MGST1: variants seen among roughly 807,000 people sequenced by gnomAD.
The protein encoded by MGST1 is microsomal glutathione S-transferase 1.
A neutral mutation model predicts 8.9 loss-of-function variants in MGST1; 5 were observed. The observed-to-expected ratio is 0.56, with a 90% CI of 0.29 to 1.19. The LOEUF is 1.19. MGST1 is among the 50% of genes most tolerant of loss of function. MGST1 has a pLI of 0.08. For synonymous variants in MGST1, 54 were observed against 67.8 expected (o/e 0.80, Z 1.00); for missense variants, 182 against 187.4 (o/e 0.97, Z 0.17).
rs755359866 is a variant in MGST1 at position 16,560,535 on chromosome 12, G to A, written n.483-28993G>A. On this transcript the variant is annotated intron_variant and non_coding_transcript_variant, in intron 4 of 4. Coordinates refer to the MGST1 transcript ENST00000538857. This position sits in a 1 kb window ranked among gnomAD's most constrained non-coding sequence, Gnocchi z 5.0. ...CAGCGCAGTTTCCCGTTACACCAAA[G>A]AGCCTAGAATAAGAAACATTTTTTT... 6.2e-7 allele frequency: 1 copy of A among 1,605,330 alleles called. No homozygotes were observed. The highest frequency in any genetic ancestry group is 8.5e-7 in the Non-Finnish European group (1 of 1,177,674).
intron 4 of MGST1, chr12:16,550,438 T>TAAAG (rs1464481899): frequency 6.6e-6 from 1 of 152,434 alleles, no homozygotes; most frequent in Non-Finnish European, 1.5e-5. Flanking sequence ...ATTGTGTAAG[T>TAAAG]AAAGAGCACA....
chr12:16,473,328 A>G (rs1941300002), intron 4 of MGST1, among the ~76,000 whole-genome samples: 1 of 152,210 alleles, frequency 6.6e-6, no homozygotes, highest in Admixed American at 6.5e-5. Flanking sequence ...CAATGCACCA[A>G]TGAAGAATTG....
chr12:16,454,535 TTAAA>T (rs2137116671), intron 4 of MGST1, among the ~76,000 whole-genome samples: 1 of 151,968 alleles, frequency 6.6e-6, no homozygotes, highest in African/African-American at 2.4e-5. Context: ...GAGAAAGATG[TTAAA>T]TAAATCTACC....
intron 4 of MGST1, among the ~76,000 whole-genome samples, chr12:16,588,732 T>G (rs143265863): frequency 1.4e-4 from 22 of 152,264 alleles, no homozygotes; most frequent in African/African-American, 5.1e-4. Context: ...TCCACCCATC[T>G]CCTTTGCACA....
chr12:16,487,862 C>T (rs537000849), intron 4 of MGST1, among the ~76,000 whole-genome samples: 84 of 151,964 alleles, frequency 5.5e-4, no homozygotes, highest in Non-Finnish European at 1.1e-3. Context: ...ACTATGTTGC[C>T]CAGGCTTGTG....
At chr12:16,406,454 GA>G (rs1480786497) in intron 1 of MGST1, among the ~76,000 whole-genome samples, 40 of 152,268 alleles carry the variant, frequency 2.6e-4, no homozygotes, top group Non-Finnish European at 2.8e-4. Flanking sequence ...TCATGGATAG[GA>G]AGAATCAATA....
At position 16,432,679 on chromosome 12, in the gene MGST1, GACACACACACACACACAC is replaced by G. The variant is rs36054419; in HGVS notation, n.779-4673_779-4656del. Among the ~76,000 whole-genome samples the G allele has an allele frequency of 3.2e-3, 392 of 124,392 alleles. 2 individuals are homozygous for G. Among genetic ancestry groups the G allele is most frequent in the African/African-American group, 5.0e-3 (168 of 33,672 alleles). 81.6% of individuals were successfully genotyped at this position (124,392 alleles called of 152,430 possible). ...TCGCAAATCTCTCCTCTCTCTCTCT[GACACACACACACACACAC>G]ACACACACACACACACACACACACA... is the stretch of plus-strand genomic sequence containing the variant. On this transcript the variant is annotated intron_variant and non_coding_transcript_variant, in intron 1 of 1. Transcript: ENST00000359720.
chr12:16,563,057 C>G (rs1389499130), intron 4 of MGST1, among the ~76,000 whole-genome samples: 1 of 152,198 alleles, frequency 6.6e-6, no homozygotes, highest in Non-Finnish European at 1.5e-5. Flanking sequence ...CACGCACTTT[C>G]CCTGCCTCGC....
chr12:16,451,488 AAATT>A (rs1184886045), intron 4 of MGST1, among the ~76,000 whole-genome samples: 1 of 151,962 alleles, frequency 6.6e-6, no homozygotes, highest in Non-Finnish European at 1.5e-5. Context: ...ATATTAAAAT[AAATT>A]GAGTAGAGGC....
chr12:16,428,729 A>G (rs911037046), intron 1 of MGST1, among the ~76,000 whole-genome samples: 2 of 151,952 alleles, frequency 1.3e-5, no homozygotes, highest in African/African-American at 2.4e-5. Context: ...TTCGGATTTT[A>G]TGTATGTCAG....
chr12:16,430,963 A>G (rs1591725970), intron 1 of MGST1, among the ~76,000 whole-genome samples: 2 of 152,216 alleles, frequency 1.3e-5, no homozygotes, highest in East Asian at 3.9e-4. Context: ...ACAGTAGCCA[A>G]CTTTATTAAT....
rs1193139268 is a variant in MGST1 at position 16,410,509 on chromosome 12, A to G, written n.779-26879A>G. ...GATTTGTAAAAGCATATATGTTGGTATATATTGCATATATGTGTATATATT... is the reference window on the plus strand; with the variant it reads ...GATTTGTAAAAGCATATATGTTGGTGTATATTGCATATATGTGTATATATT... On this transcript the variant is annotated intron_variant and non_coding_transcript_variant, in intron 1 of 1. Coordinates refer to the MGST1 transcript ENST00000359720. The surrounding 1 kb of genome is among the most constrained non-coding windows in gnomAD (Gnocchi z 4.4). Among the ~76,000 whole-genome samples, 2 of 151,146 alleles carry G rather than the reference A, an allele frequency of 1.3e-5. No homozygotes were observed. The highest frequency in any genetic ancestry group is 2.9e-5 in the Non-Finnish European group (2 of 67,850).
rs751135259 is a variant in MGST1, at chr12:16,582,876, C to T, written n.483-6652C>T. 6.6e-6 allele frequency among the ~76,000 whole-genome samples: 1 copy of T among 151,802 alleles called. No individual in the cohort carries two copies. ...CAGCCTGGCCAACATGGCGAAACCC[C>T]GTCTCTACTAAAATAAAAAAATTAG... On this transcript the variant is annotated intron_variant and non_coding_transcript_variant, in intron 4 of 4. Transcript: ENST00000538857. This position sits in a 1 kb window ranked among gnomAD's most constrained non-coding sequence, Gnocchi z 4.1.
intron 4 of MGST1, among the ~76,000 whole-genome samples, chr12:16,561,426 ACAC>A (rs1325538361): frequency 6.6e-6 from 1 of 152,124 alleles, no homozygotes; most frequent in East Asian, 1.9e-4. Context: ...TAGATGAAAA[ACAC>A]CACATCTGCC....
chr12:16,378,788 G>A (rs1940419239), downstream of MGST1, among the ~76,000 whole-genome samples: 1 of 151,682 alleles, frequency 6.6e-6, no homozygotes, highest in African/African-American at 2.4e-5. Context: ...AGCATGGAAT[G>A]TTCTTCCATT....
At chr12:16,540,836 G>A (rs982760211) in intron 4 of MGST1, among the ~76,000 whole-genome samples, 3 of 152,160 alleles carry the variant, frequency 2.0e-5, no homozygotes, top group Non-Finnish European at 4.4e-5. Context: ...CTTGAACCCA[G>A]GAGGCGGAGG....
chr12:16,529,572 A>G (rs557311921), intron 4 of MGST1, among the ~76,000 whole-genome samples: 3 of 152,178 alleles, frequency 2.0e-5, no homozygotes, highest in Admixed American at 6.5e-5. Context: ...GGCAGGGGTC[A>G]CATCTTCCTT....
chr12:16,446,233 G>C (rs1159501433), intron 4 of MGST1, among the ~76,000 whole-genome samples: 1 of 151,962 alleles, frequency 6.6e-6, no homozygotes, highest in South Asian at 2.1e-4. Context: ...TTTGCCCAGT[G>C]TAGAATTATC....
chr12:16,506,001 A>T (rs1310969343), intron 4 of MGST1, among the ~76,000 whole-genome samples: 1 of 152,174 alleles, frequency 6.6e-6, no homozygotes, highest in African/African-American at 2.4e-5. Context: ...TAACATTTAA[A>T]TTTTTTAAGT....
Sources: allele counts gnomAD v4.1 joint callset (sites outside exome capture counted in the v4.1 genomes callset), GRCh38; gene constraint gnomAD v4.1.1; non-coding constraint Gnocchi (gnomAD v3.1); transcripts MANE v1.5; gene names NCBI Gene and HGNC (gene_info 2026-07-23, HGNC 2026-07-21).